Variants in PRH1 observed in about 807,000 individuals in gnomAD.
The protein encoded by PRH1 is salivary acidic proline-rich phosphoprotein 1/2.
A neutral mutation model predicts 7.9 loss-of-function variants in PRH1; 7 were observed. The observed-to-expected ratio is 0.89, with a 90% CI of 0.50 to 1.67. The LOEUF is 1.67. Ranked by LOEUF, PRH1 falls within the 40% of genes most tolerant of loss-of-function variation. The pLI is 0.00. For missense variants in PRH1, 109 were observed against 223.6 expected (o/e 0.49, Z 3.27); for synonymous variants, 45 against 80.8 (o/e 0.56, Z 2.38).
intron 1 of PRH1, chr12:10,985,805 T>C: frequency 1.2e-6 from 1 of 800,986 alleles, no homozygotes; most frequent in Non-Finnish European, 1.9e-6. Context: ...AAGACTTTTC[T>C]AGGTATGCTT....
At chr12:11,167,328 G>GT (rs1407395250) in intron 1 of PRH1, among the ~76,000 whole-genome samples, 2 of 152,052 alleles carry the variant, frequency 1.3e-5, no homozygotes, top group African/African-American at 2.4e-5. Context: ...CTCAACCTTT[G>GT]TAAGAATTTG....
chr12:10,979,454 C>G (rs1939252182), intron 1 of PRH1, among the ~76,000 whole-genome samples: 1 of 152,092 alleles, frequency 6.6e-6, no homozygotes, highest in South Asian at 2.1e-4. Context: ...GACACAAAGG[C>G]CAATGTTGCT....
intron 1 of PRH1, among the ~76,000 whole-genome samples, chr12:11,010,133 T>C (rs766165909): frequency 6.6e-6 from 1 of 152,054 alleles, no homozygotes; most frequent in African/African-American, 2.4e-5. Context: ...GCAATGCATT[T>C]TAAACTAAAC....
At chr12:10,921,445 A>G (rs933000075) in intron 2 of PRH1, among the ~76,000 whole-genome samples, 1 of 152,146 alleles carries the variant, frequency 6.6e-6, no homozygotes, top group Non-Finnish European at 1.5e-5. Context: ...AAATTTTGGA[A>G]TAAAATTATT....
intron 2 of PRH1, among the ~76,000 whole-genome samples, chr12:10,972,419 A>G (rs1938858635): frequency 6.6e-6 from 1 of 152,218 alleles, no homozygotes; most frequent in Non-Finnish European, 1.5e-5. Flanking sequence ...GATGAGTTCA[A>G]TGCTGTCTTT....
chr12:10,884,761 G>A (rs1048911213), upstream of PRH1, among the ~76,000 whole-genome samples: 2 of 152,126 alleles, frequency 1.3e-5, no homozygotes, highest in African/African-American at 4.8e-5. Flanking sequence ...ATGTAACAGA[G>A]ATGGTCTTGC....
chr12:11,104,916 T>C (rs1003602868), intron 1 of PRH1, among the ~76,000 whole-genome samples: 3 of 151,982 alleles, frequency 2.0e-5, no homozygotes, highest in African/African-American at 7.2e-5. Flanking sequence ...AATGTATGTT[T>C]ACTTCAATGA....
intron 2 of PRH1, chr12:10,937,968 T>A (rs949953589): frequency 2.2e-5 from 6 of 277,072 alleles, no homozygotes; most frequent in African/African-American, 1.3e-4. Context: ...ACATGTATTT[T>A]ATACATTATA....
At chr12:10,932,169 T>C (rs1224607136) in intron 2 of PRH1, 1 of 423,410 alleles carries the variant, frequency 2.4e-6, no homozygotes, top group Non-Finnish European at 5.0e-6. Flanking sequence ...ACCAATGAGG[T>C]ATTAGACATT....
At chr12:11,052,200 T>C (rs567623992) in intron 1 of PRH1, among the ~76,000 whole-genome samples, 1 of 152,318 alleles carries the variant, frequency 6.6e-6, no homozygotes, top group Admixed American at 6.5e-5. Flanking sequence ...AATTACACAC[T>C]TATTTTTCGT....
Position 10,930,192 on chromosome 12 carries a change from T to C in PRH1, c.-59+43463A>G, listed in dbSNP as rs1333683866. ...ATGCACAGGGTGTGATCAGAGGTCC[T>C]TTATCCTCGTAGAACACTATGAGCT... is the stretch of plus-strand genomic sequence containing the variant. On this transcript the variant is annotated intron_variant, in intron 2 of 3. Coordinates refer to the PRH1 transcript ENST00000539853. 5.2e-6 allele frequency: 8 copies of C among 1,533,078 alleles called. No individual in the cohort carries two copies. The Middle Eastern group carries it at 1.3e-3, about 252-fold the overall frequency. The allele number at this position is 1,533,078 out of a possible 1,614,324, so 95.0% of individuals were successfully genotyped here.
At chr12:10,938,408 A>G (rs769696787) in intron 2 of PRH1, 53 of 1,613,896 alleles carry the variant, frequency 3.3e-5, no homozygotes, top group Non-Finnish European at 4.1e-5. Context: ...CATTCCCATC[A>G]CCTGGGAAAG....
At chr12:10,985,037 G>A (rs2135978813) in intron 1 of PRH1, among the ~76,000 whole-genome samples, 1 of 151,674 alleles carries the variant, frequency 6.6e-6, no homozygotes, top group East Asian at 1.9e-4. Context: ...GAAGATAGAG[G>A]AGATCATTGG....
intron 1 of PRH1, among the ~76,000 whole-genome samples, chr12:11,052,981 T>C (rs962239527): frequency 1.3e-5 from 2 of 152,250 alleles, no homozygotes; most frequent in African/African-American, 4.8e-5. Flanking sequence ...TTTTCTTCTT[T>C]TCCCAACACT....
At chr12:10,986,069 G>C (rs1177301213) in intron 1 of PRH1, 1 of 1,613,928 alleles carries the variant, frequency 6.2e-7, no homozygotes, top group Non-Finnish European at 8.5e-7. Context: ...CAACAGCCTT[G>C]CTAACCATGA....
Position 10,937,204 on chromosome 12 carries a change from T to TTC in PRH1, c.-59+36449_-59+36450dup, listed in dbSNP as rs61659284. On this transcript the variant is annotated intron_variant, in intron 2 of 3. Transcript: ENST00000539853. Reference sequence around the variant, plus strand: ...TTTGCCTCTAAGGTTGCAATTTTATTTCTCTCTCTCTCTCTCTCTCTCTCT... The same window carrying TTC: ...TTTGCCTCTAAGGTTGCAATTTTATTTCTCTCTCTCTCTCTCTCTCTCTCTCT... Among the ~76,000 whole-genome samples the TTC allele has an allele frequency of 5.6e-3, 832 of 147,284 alleles. 6 individuals carry two copies. The highest frequency in any genetic ancestry group is 0.017 in the African/African-American group (665 of 39,618).
intron 1 of PRH1, among the ~76,000 whole-genome samples, chr12:11,109,579 C>T (rs1414462311): frequency 3.3e-5 from 5 of 152,108 alleles, no homozygotes; most frequent in Non-Finnish European, 7.4e-5. Flanking sequence ...GCAGAGGACC[C>T]TGACTGTTAG....
At chr12:10,917,283 C>T (rs539496163) in intron 2 of PRH1, among the ~76,000 whole-genome samples, 2 of 152,006 alleles carry the variant, frequency 1.3e-5, no homozygotes, top group Non-Finnish European at 2.9e-5. Flanking sequence ...AGAAAAATTC[C>T]TAATTTTATA....
intron 2 of PRH1, among the ~76,000 whole-genome samples, chr12:10,969,712 ATCATAT>A (rs1938703765): frequency 7.2e-5 from 11 of 152,316 alleles, no homozygotes; most frequent in Admixed American, 6.5e-4. Flanking sequence ...CGTAAAATTT[ATCATAT>A]GTATCAATAG....
Sources: allele counts gnomAD v4.1 joint callset (sites outside exome capture counted in the v4.1 genomes callset), GRCh38; gene constraint gnomAD v4.1.1; transcripts MANE v1.5; gene names NCBI Gene and HGNC (gene_info 2026-07-23, HGNC 2026-07-21).